HBP1: variants seen among roughly 807,000 people sequenced by gnomAD.
The protein encoded by HBP1 is HMG-box transcription factor 1, also known as HMG box-containing protein 1.
HBP1 carries 20 observed loss-of-function variants against 62.6 expected under a neutral mutation model. The observed-to-expected ratio is 0.32, with a 90% CI of 0.22 to 0.46. The LOEUF (loss-of-function observed/expected upper bound fraction) is 0.46, where lower values mean the gene tolerates loss of function less well. HBP1 is among the 20% of genes least tolerant of loss of function. The probability of loss-of-function intolerance (pLI) is 1.00; values close to 1 mark genes in which losing one functional copy is unlikely to be tolerated. For missense variants in HBP1, 480 were observed against 611.8 expected (o/e 0.78, Z 2.27); for synonymous variants, 232 against 206.2 (o/e 1.12, Z -1.07).
intron 3 of HBP1, 96 bp from the exon 4 acceptor site, chr7:107,185,705 A>G: frequency 1.1e-6 from 1 of 906,668 alleles, no homozygotes; most frequent in Non-Finnish European, 1.7e-6. Context: ...GTTCAATGTA[A>G]TAACATTGGC....
chr7:107,174,481 A>T, intron 1 of HBP1: 1 of 985,356 alleles, frequency 1.0e-6, no homozygotes, highest in Non-Finnish European at 1.2e-6. Context: ...ACTAAGACAA[A>T]GTGCTGAAGA....
intron 3 of HBP1, among the ~76,000 whole-genome samples, chr7:107,184,058 A>G (rs937442238): frequency 3.3e-5 from 5 of 152,226 alleles, no homozygotes; most frequent in Non-Finnish European, 7.3e-5. Flanking sequence ...GGCCATATAC[A>G]TTTTAGAATA....
At chr7:107,189,855 C>T in intron 7 of HBP1, 1 of 248,492 alleles carries the variant, frequency 4.0e-6, no homozygotes, top group Non-Finnish European at 7.6e-6. Flanking sequence ...TTCATGGTCT[C>T]AGTCATTTAT....
rs568732709 is a variant in HBP1, at chr7:107,182,423, A to C, written c.220A>C (p.Met74Leu). 1 of 1,613,864 alleles carries C rather than the reference A, an allele frequency of 6.2e-7. No individual in the cohort carries two copies. Among genetic ancestry groups the C allele is most frequent in the African/African-American group, 1.3e-5 (1 of 75,058 alleles). Residue 74 changes from methionine (M) to leucine (L), a missense_variant, in exon 3 of 11, where the codon ATG (methionine) becomes CTG (leucine). Around this residue, in one of 4 missense-constraint regions of HBP1, gnomAD observed 304 missense variants for 330.9 expected, o/e 0.92. Transcript: ENST00000222574. ...TCAAAGTGATCCTACCCAATCTGGC[A>C]TGTACCAGCTGAGTTCAGATGTTTC... is the stretch of plus-strand genomic sequence containing the variant. Reference protein sequence around the residue: ...AVQSDPTQSGMYQLSSDVSHQ... With the variant: ...AVQSDPTQSGLYQLSSDVSHQ...
intron 8 of HBP1, chr7:107,192,528 G>A (rs1584497987): frequency 6.6e-6 from 1 of 152,036 alleles, no homozygotes; most frequent in East Asian, 1.9e-4. Flanking sequence ...ATGGAACTTA[G>A]TGATACTGGA....
intron 9 of HBP1, among the ~76,000 whole-genome samples, chr7:107,199,930 T>G (rs1241991199): frequency 6.6e-6 from 1 of 152,230 alleles, no homozygotes; most frequent in Non-Finnish European, 1.5e-5. Context: ...ACAAATAGAT[T>G]AGCTTTTAGT....
chr7:107,190,354 T>A, intron 8 of HBP1, 37 bp downstream of exon 8: 1 of 1,491,282 alleles, frequency 6.7e-7, no homozygotes, highest in Non-Finnish European at 9.2e-7. Context: ...ATTTTCCTCT[T>A]AAAGTTTGCC....
At position 107,179,947 on chromosome 7, in the gene HBP1, G is replaced by C. The variant is rs751016259; in HGVS notation, c.54G>C (p.Leu18=). 2 of 1,611,274 alleles carry C rather than the reference G, an allele frequency of 1.2e-6. No individual in the cohort carries two copies. Among genetic ancestry groups the C allele is most frequent in the South Asian group, 2.2e-5 (2 of 91,000 alleles). The change falls in exon 2 of 11, where the codon CTG becomes CTC. Residue 18 remains leucine (L), a synonymous_variant. Coordinates refer to ENST00000222574, the MANE Select transcript of HBP1 (RefSeq NM_012257.4). ...TGCCTAATGCAGTACAGAAACTCCT[G>C]TTGGTGATGGACAAGAGAGCCTCAG... The part of the protein sequence containing the change: ...NQMPNAVQKL[L]LVMDKRASGM...
chr7:107,180,360 T>G (rs1797053314), intron 2 of HBP1, among the ~76,000 whole-genome samples: 1 of 152,246 alleles, frequency 6.6e-6, no homozygotes, highest in African/African-American at 2.4e-5. Flanking sequence ...TGAAATATAC[T>G]TGAGAGAGCT....
chr7:107,176,712 T>C (rs1249016107), intron 1 of HBP1, among the ~76,000 whole-genome samples: 2 of 151,908 alleles, frequency 1.3e-5, no homozygotes, highest in East Asian at 3.9e-4. Context: ...TTTTTTTTTT[T>C]TTTTTTTCAG....
intron 1 of HBP1, among the ~76,000 whole-genome samples, chr7:107,177,413 G>A (rs1796903142): frequency 6.6e-6 from 1 of 152,178 alleles, no homozygotes; most frequent in Non-Finnish European, 1.5e-5. Context: ...AGGGATATAG[G>A]CAGATAGCAT....
At chr7:107,199,559 G>A (rs887077124) in intron 9 of HBP1, among the ~76,000 whole-genome samples, 23 of 152,194 alleles carry the variant, frequency 1.5e-4, no homozygotes, top group African/African-American at 5.5e-4. Flanking sequence ...TGTGCTTTGT[G>A]CAAAATTTCC....
intron 2 of HBP1, 109 bp from the exon 3 acceptor site, chr7:107,182,264 C>G (rs988658347): frequency 3.1e-6 from 2 of 638,926 alleles, no homozygotes; most frequent in Non-Finnish European, 5.6e-6. Context: ...ATTTTCCTCT[C>G]TCAAAATTAA....
chr7:107,189,427 C>G lies in HBP1; in HGVS notation c.901C>G (p.Pro301Ala). The change falls in exon 7 of 11, where the codon CCT becomes GCT. Residue 301 changes from proline (P) to alanine (A), a missense_variant. Physicochemically the swap from Pro to Ala is conservative, Grantham distance 27. Coordinates refer to ENST00000222574, the MANE Select transcript of HBP1 (RefSeq NM_012257.4). ...LLTVECKLDH[P>A]FYVKNKGWSS... ...TACCGTAGAGTGTAAGCTGGACCAC[C>G]CTTTCTATGTTAAAAATAAAGGTAG... 1 of 1,606,620 alleles carries G rather than the reference C, an allele frequency of 6.2e-7. No individual in the cohort carries two copies. Among genetic ancestry groups the G allele is most frequent in the Non-Finnish European group, 8.5e-7 (1 of 1,176,734 alleles).
rs1236855460 is a variant in HBP1, at chr7:107,201,945, G to A, written c.*514G>A. On this transcript the variant is annotated 3_prime_UTR_variant, in exon 11 of 11. Transcript: ENST00000222574. ...GCCAAACATAGGCGCTCCTAGTCTG[G>A]TCAGTGCCAAGAGGCTACCAGAACA... 1 of 152,690 alleles carries A rather than the reference G, an allele frequency of 6.5e-6. No individual in the cohort carries two copies. The highest frequency in any genetic ancestry group is 1.5e-5 in the Non-Finnish European group (1 of 68,106). 9.5% of individuals were successfully genotyped at this position (152,690 alleles called of 1,614,324 possible).
chr7:107,193,005 G>A (rs924126010), intron 8 of HBP1: 2 of 152,220 alleles, frequency 1.3e-5, no homozygotes, highest in Non-Finnish European at 2.9e-5. Context: ...TCGGGTCATG[G>A]TTTACAGAGG....
In HBP1 at chr7:107,201,480, T is replaced by C. The variant is rs1798299138; in HGVS notation, c.*49T>C. 8.1e-7 allele frequency: 1 copy of C among 1,236,794 alleles called. No homozygotes were observed. The highest frequency in any genetic ancestry group is 1.2e-5 in the South Asian group (1 of 80,736). The allele number at this position is 1,236,794 out of a possible 1,614,324, so 76.6% of individuals were successfully genotyped here. On this transcript the variant is annotated 3_prime_UTR_variant, in exon 11 of 11. Coordinates refer to ENST00000222574, the MANE Select transcript of HBP1 (RefSeq NM_012257.4). ...TCTATATTTGCATATACATTGACTCTTGATGGAAAGACTTAAGAAGATCAA... is the reference window on the plus strand; with the variant it reads ...TCTATATTTGCATATACATTGACTCCTGATGGAAAGACTTAAGAAGATCAA...
Position 107,178,194 on chromosome 7 carries a change from A to AGGG in HBP1, c.-15-1680_-15-1678dup, listed in dbSNP as rs575069103. On this transcript the variant is annotated intron_variant, in intron 1 of 10. Coordinates refer to ENST00000222574, the MANE Select transcript of HBP1 (RefSeq NM_012257.4). Reference sequence around the variant, plus strand: ...CACTCATTAGAACTTTTTCTTTAAGAGGGGGGGTCTTGCTACATTGCCCAG... The same window carrying AGGG: ...CACTCATTAGAACTTTTTCTTTAAGAGGGGGGGGGGTCTTGCTACATTGCCCAG... Among the ~76,000 whole-genome samples the AGGG allele has an allele frequency of 4.0e-3, 615 of 152,032 alleles. 4 individuals carry two copies. The highest frequency in any genetic ancestry group is 0.015 in the African/African-American group (601 of 41,438).
At position 107,195,836 on chromosome 7, in the gene HBP1, A is replaced by G; in HGVS notation, c.1070A>G (p.Tyr357Cys). Residue 357 changes from tyrosine to cysteine, a missense_variant and splice_region_variant, in exon 9 of 11, where the codon TAT (tyrosine) becomes TGT (cysteine). Coordinates refer to ENST00000222574, the MANE Select transcript of HBP1 (RefSeq NM_012257.4). ...DSGVFDTFKS[Y>C]DFTPMDSSAV... ...TATTATTTTTTTTAATTTTATAGCTATGACTTCACACCTATGGATTCTTCT... is the reference window on the plus strand; with the variant it reads ...TATTATTTTTTTTAATTTTATAGCTGTGACTTCACACCTATGGATTCTTCT... 2 of 1,409,948 alleles carry G rather than the reference A, an allele frequency of 1.4e-6. No individual in the cohort carries two copies. Among genetic ancestry groups the G allele is most frequent in the East Asian group, 2.3e-5 (1 of 42,638 alleles). 87.3% of individuals were successfully genotyped at this position (1,409,948 alleles called of 1,614,324 possible).
Sources: gnomAD v4.1 joint callset for allele counts (sites outside exome capture counted in the v4.1 genomes callset) on GRCh38, gnomAD v4.1.1 for gene constraint, gnomAD v4.1.1 regional missense constraint, MANE v1.5 for transcripts, NCBI Gene and HGNC (gene_info 2026-07-23, HGNC 2026-07-21) for gene names.